Variants in LRP1B observed in about 807,000 individuals in gnomAD.
LRP1B encodes LDL receptor related protein 1B.
LRP1B carries 217 observed loss-of-function variants against 556.6 expected under a neutral mutation model. That is an observed-to-expected ratio of 0.39 (90% CI 0.35 to 0.44). LRP1B has a LOEUF of 0.44. LRP1B is among the 20% of genes least tolerant of loss of function. The pLI is 1.00. For missense variants in LRP1B, 5,053 were observed against 5,620.8 expected (o/e 0.90, Z 3.23); for synonymous variants, 2,047 against 1,865.8 (o/e 1.10, Z -2.50).
intron 2 of LRP1B, among the ~76,000 whole-genome samples, chr2:141,716,968 CAG>C (rs922845506): frequency 5.8e-4 from 3 of 5,208 alleles, no homozygotes; most frequent in Non-Finnish European, 6.6e-3. Context: ...GCATGATCCA[CAG>C]GGGGGGGTCG....
chr2:141,909,134 G>T (rs893166834), intron 1 of LRP1B, among the ~76,000 whole-genome samples: 19 of 152,034 alleles, frequency 1.2e-4, no homozygotes, highest in Admixed American at 2.6e-4. Flanking sequence ...CCAAAAAGTG[G>T]TGTTCAGGGA....
At chr2:140,460,368 G>C (rs550722577) in intron 60 of LRP1B, among the ~76,000 whole-genome samples, 2 of 152,240 alleles carry the variant, frequency 1.3e-5, no homozygotes, top group African/African-American at 4.8e-5. Context: ...AAGACAGGAA[G>C]TACATGGAGC....
At chr2:140,901,597 A>T (rs1694106918) in intron 23 of LRP1B, among the ~76,000 whole-genome samples, 1 of 151,844 alleles carries the variant, frequency 6.6e-6, no homozygotes, top group South Asian at 2.1e-4. Context: ...AGTTATTTTA[A>T]AATGTACAAT....
At chr2:141,345,380 C>A (rs1198309137) in intron 3 of LRP1B, among the ~76,000 whole-genome samples, 1 of 151,010 alleles carries the variant, frequency 6.6e-6, no homozygotes, top group Non-Finnish European at 1.5e-5. Context: ...CTTTTTTTTT[C>A]TCTCCAGTGT....
At chr2:140,640,573 T>G (rs1684257526) in intron 41 of LRP1B, among the ~76,000 whole-genome samples, 1 of 150,526 alleles carries the variant, frequency 6.6e-6, no homozygotes, top group African/African-American at 2.4e-5. Flanking sequence ...TTTTTTGTAT[T>G]TTTAGTAGAG....
intron 3 of LRP1B, among the ~76,000 whole-genome samples, chr2:141,410,757 A>T (rs942204886): frequency 6.6e-6 from 1 of 152,042 alleles, no homozygotes; most frequent in Non-Finnish European, 1.5e-5. Flanking sequence ...TTTAAAATAG[A>T]AGACACCAAT....
intron 31 of LRP1B, among the ~76,000 whole-genome samples, chr2:140,828,789 CAAAAAAAA>C (rs57621380): frequency 8.8e-4 from 7 of 7,972 alleles, no homozygotes; most frequent in African/African-American, 8.9e-4. Context: ...GACTCCGTCT[CAAAAAAAA>C]AAAAAAAAAA....
intron 6 of LRP1B, among the ~76,000 whole-genome samples, chr2:141,198,426 T>C (rs1681842662): frequency 1.3e-5 from 2 of 152,148 alleles, no homozygotes; most frequent in African/African-American, 4.8e-5. Flanking sequence ...CTTAAACAGA[T>C]AAAATGAATT....
At chr2:141,824,354 C>T (rs931334443) in intron 1 of LRP1B, among the ~76,000 whole-genome samples, 3 of 152,134 alleles carry the variant, frequency 2.0e-5, no homozygotes, top group African/African-American at 7.2e-5. Context: ...TGTCAAAAAG[C>T]CTGTTCTCAT....
In LRP1B at chr2:140,259,772, C is replaced by G. The variant is rs560158462; in HGVS notation, c.13247+10470G>C. On this transcript the variant is annotated intron_variant, in intron 86 of 90. Coordinates refer to ENST00000389484, the MANE Select transcript of LRP1B (RefSeq NM_018557.3). ...AAACAGACATATAAATTTAAAGAAGCCATGGGAATAGAACAGGCAGCATTC... is the reference window on the plus strand; with the variant it reads ...AAACAGACATATAAATTTAAAGAAGGCATGGGAATAGAACAGGCAGCATTC... 5.3e-5 allele frequency among the ~76,000 whole-genome samples: 8 copies of G among 151,890 alleles called. No homozygotes were observed. In the East Asian group the frequency reaches 1.2e-3, roughly 22 times the overall value.
intron 7 of LRP1B, among the ~76,000 whole-genome samples, chr2:141,112,144 G>C (rs1196302037): frequency 6.6e-5 from 10 of 151,804 alleles, no homozygotes. Context: ...AATTTTTCCT[G>C]GTCATGAGAC....
At chr2:140,559,461 G>A (rs1680852700) in intron 43 of LRP1B, among the ~76,000 whole-genome samples, 1 of 151,968 alleles carries the variant, frequency 6.6e-6, no homozygotes, top group Non-Finnish European at 1.5e-5. Flanking sequence ...TGTATACTAG[G>A]AAGGAAAAAA....
intron 10 of LRP1B, among the ~76,000 whole-genome samples, chr2:141,053,743 G>A (rs1699101738): frequency 2.0e-5 from 3 of 151,896 alleles, no homozygotes; most frequent in East Asian, 3.9e-4. Context: ...ACTACATTAG[G>A]GACAATTGAA....
chr2:141,355,958 C>A (rs572821226), intron 3 of LRP1B, among the ~76,000 whole-genome samples: 49 of 152,132 alleles, frequency 3.2e-4, no homozygotes, highest in African/African-American at 1.2e-3. Context: ...CAGGAATTAC[C>A]TAAATTACCA....
intron 32 of LRP1B, among the ~76,000 whole-genome samples, chr2:140,779,709 A>G (rs573628677): frequency 0.022 from 3,302 of 148,048 alleles, 79 homozygotes; most frequent in South Asian, 0.097. Flanking sequence ...AAAAAAAAAA[A>G]AAAAAGTGTG....
chr2:140,883,220 A>G (rs940425700), intron 25 of LRP1B, among the ~76,000 whole-genome samples: 8 of 152,120 alleles, frequency 5.3e-5, no homozygotes, highest in Admixed American at 1.3e-4. Flanking sequence ...AACGGAACAC[A>G]AAAGGGAAGA....
chr2:142,123,974 T>G (rs1416235935), intron 1 of LRP1B, among the ~76,000 whole-genome samples: 1 of 151,970 alleles, frequency 6.6e-6, no homozygotes, highest in Non-Finnish European at 1.5e-5. Flanking sequence ...AAATCCCAAA[T>G]GTAGACAATA....
intron 54 of LRP1B, 82 bp from the exon 55 acceptor site, chr2:140,501,956 CATT>C: frequency 1.1e-6 from 1 of 947,430 alleles, no homozygotes; most frequent in Non-Finnish European, 1.5e-6. Context: ...TCACAAATAT[CATT>C]AACTCAGGTG....
chr2:141,106,647 C>T (rs80353169), intron 7 of LRP1B, among the ~76,000 whole-genome samples: 9,025 of 152,134 alleles, frequency 0.059, 348 homozygotes, highest in South Asian at 0.11. Context: ...ACCTGTGCAG[C>T]TAATAGGTCC....
Sources: allele counts gnomAD v4.1 joint callset (sites outside exome capture counted in the v4.1 genomes callset), GRCh38; gene constraint gnomAD v4.1.1; transcripts MANE v1.5; gene names NCBI Gene and HGNC (gene_info 2026-07-23, HGNC 2026-07-21).